CLEC4C: variants seen among roughly 807,000 people sequenced by gnomAD.
CLEC4C encodes C-type lectin domain family 4 member C.
CLEC4C carries 17 observed loss-of-function variants against 27.7 expected under a neutral mutation model. That is an observed-to-expected ratio of 0.61 (90% CI 0.42 to 0.92). CLEC4C has a LOEUF of 0.92. Among genes scored for constraint, CLEC4C ranks in the 40% least tolerant of loss-of-function variants. The pLI is 0.00. For missense variants in CLEC4C, 244 were observed against 257.3 expected (o/e 0.95, Z 0.35); for synonymous variants, 80 against 80.8 (o/e 0.99, Z 0.06).
At chr12:7,742,515 A>G (rs1347466739) in intron 2 of CLEC4C, among the ~76,000 whole-genome samples, 2 of 95,978 alleles carry the variant, frequency 2.1e-5, no homozygotes, top group East Asian at 6.2e-4. Flanking sequence ...TGTCTCGAAA[A>G]AAAAAAAAAA....
rs1160752541 is a variant in CLEC4C at position 7,729,601 on chromosome 12, T to C, written c.637A>G (p.Ile213Val). The change falls in exon 6 of 6, where the codon ATA becomes GTA. Residue 213 changes from isoleucine to valine, a missense_variant. Transcript: ENST00000360345. ...KSICKMKKIYI is the reference protein window; with the variant it reads ...KSICKMKKIYV ...TTCCAGGGAGAATATTTCATTTATATGTAGATCTTCTTCATCTTGCAAATT... is the reference window on the plus strand; with the variant it reads ...TTCCAGGGAGAATATTTCATTTATACGTAGATCTTCTTCATCTTGCAAATT... 6.2e-7 allele frequency: 1 copy of C among 1,613,600 alleles called. No homozygotes were observed. Among genetic ancestry groups the C allele is most frequent in the Admixed American group, 1.7e-5 (1 of 59,968 alleles).
intron 4 of CLEC4C, among the ~76,000 whole-genome samples, chr12:7,733,777 G>T (rs1864656527): frequency 6.6e-6 from 1 of 151,642 alleles, no homozygotes; most frequent in Non-Finnish European, 1.5e-5. Flanking sequence ...CACCGCACCT[G>T]GCCCCCAAGC....
rs1262584412 is a variant in CLEC4C at position 7,729,579 on chromosome 12, C to A, written c.*17G>T. 1 of 1,609,994 alleles carries A rather than the reference C, an allele frequency of 6.2e-7. No homozygotes were observed. Among genetic ancestry groups the A allele is most frequent in the African/African-American group, 1.3e-5 (1 of 74,840 alleles). ...GTGGATGCCAACCCAAACACATTTC[C>A]AGGGAGAATATTTCATTTATATGTA... On this transcript the variant is annotated 3_prime_UTR_variant, in exon 6 of 6. Transcript: ENST00000360345.
At position 7,730,891 on chromosome 12, in the gene CLEC4C, T is replaced by C; in HGVS notation, c.403A>G (p.Lys135Glu). The C allele has an allele frequency of 1.9e-6, 3 of 1,598,874 alleles. No homozygotes were observed. The highest frequency in any genetic ancestry group is 1.7e-6 in the Non-Finnish European group (2 of 1,166,554). Residue 135 changes from lysine to glutamate, a missense_variant, in exon 5 of 6, where the codon AAA (lysine) becomes GAA (glutamate). Physicochemically the swap from Lys to Glu is moderately conservative, Grantham distance 56 (BLOSUM62 1). Transcript: ENST00000360345. ...EEQDFIIQNLKRNSSYFLGLS... is the reference protein window; with the variant it reads ...EEQDFIIQNLERNSSYFLGLS... Reference sequence around the variant, plus strand: ...CCCAGAAAATAAGAAGAATTTCTTTTCAGATTCTGAATGATGAAATCCTGA... The same window carrying C: ...CCCAGAAAATAAGAAGAATTTCTTTCCAGATTCTGAATGATGAAATCCTGA...
At chr12:7,738,419 C>T (rs1428054193) in intron 3 of CLEC4C, among the ~76,000 whole-genome samples, 1 of 152,180 alleles carries the variant, frequency 6.6e-6, no homozygotes, top group Non-Finnish European at 1.5e-5. Context: ...AGATTATATA[C>T]ATTCCCTCTA....
Position 7,737,433 on chromosome 12 carries a change from T to C in CLEC4C, c.377A>G (p.Glu126Gly), listed in dbSNP as rs1192824636. ...ADLVVINTRE[E>G]QDFIIQNLKR... is the part of the protein sequence containing the mutation. ...ACCTTGCCTGTTAGAACATACCTGT[T>C]CTTCCCTGGTGTTGATCACCACCAG... Residue 126 changes from glutamate to glycine, a missense_variant, in exon 4 of 6, where the codon GAA (glutamate) becomes GGA (glycine). Physicochemically the swap from Glu to Gly is moderately conservative, Grantham distance 98. Coordinates refer to ENST00000360345, the MANE Select transcript of CLEC4C (RefSeq NM_001371390.1). 1 of 1,611,376 alleles carries C rather than the reference T, an allele frequency of 6.2e-7. No individual in the cohort carries two copies. The highest frequency in any genetic ancestry group is 8.5e-7 in the Non-Finnish European group (1 of 1,178,812).
chr12:7,731,027 ATCACT>A, intron 4 of CLEC4C, 115 bp from the exon 5 acceptor site: 1 of 563,484 alleles, frequency 1.8e-6, no homozygotes, highest in Non-Finnish European at 3.3e-6. Context: ...TTTCAAGGAA[ATCACT>A]TCTCTTCTAA....
At position 7,741,537 on chromosome 12, in the gene CLEC4C, A is replaced by G. The variant is rs1592096541; in HGVS notation, c.125-6T>C. On this transcript the variant is annotated splice_region_variant and splice_polypyrimidine_tract_variant and intron_variant, in intron 2 of 5. Transcript: ENST00000360345. ...ATACATAAAATTGTGAGGCACTGGGAAAGAGAAATCGGAGTTAGTTCTCAT... is the reference window on the plus strand; with the variant it reads ...ATACATAAAATTGTGAGGCACTGGGGAAGAGAAATCGGAGTTAGTTCTCAT... 1.2e-6 allele frequency: 1 copy of G among 816,100 alleles called. No individual in the cohort carries two copies. Among genetic ancestry groups the G allele is most frequent in the Non-Finnish European group, 1.8e-6 (1 of 551,316 alleles). 50.6% of individuals were successfully genotyped at this position (816,100 alleles called of 1,614,324 possible).
intron 5 of CLEC4C, 41 bp from the exon 6 acceptor site, chr12:7,729,781 G>T: frequency 6.2e-7 from 1 of 1,602,876 alleles, no homozygotes; most frequent in Non-Finnish European, 8.5e-7. Flanking sequence ...TGAAACCGTG[G>T]TTTGGAAAAG....
At chr12:7,744,684 G>A (rs1009054465) in intron 2 of CLEC4C, among the ~76,000 whole-genome samples, 1 of 152,040 alleles carries the variant, frequency 6.6e-6, no homozygotes, top group Non-Finnish European at 1.5e-5. Flanking sequence ...GTACGATTAT[G>A]GCTCACTGCA....
intron 2 of CLEC4C, among the ~76,000 whole-genome samples, chr12:7,742,483 C>T (rs1200507022): frequency 6.8e-6 from 1 of 147,916 alleles, no homozygotes; most frequent in Non-Finnish European, 1.5e-5. Context: ...TGCACTCTAG[C>T]CTGGGCAATA....
intron 2 of CLEC4C, among the ~76,000 whole-genome samples, chr12:7,744,334 G>A (rs1306217806): frequency 1.3e-5 from 2 of 152,168 alleles, no homozygotes. Flanking sequence ...ATTGAAAACT[G>A]TGAGATGTAT....
At chr12:7,731,981 A>G (rs750071652) in intron 4 of CLEC4C, among the ~76,000 whole-genome samples, 5 of 152,224 alleles carry the variant, frequency 3.3e-5, no homozygotes, top group African/African-American at 9.6e-5. Context: ...CCCCCTGCCC[A>G]AAAATAAAAA....
At chr12:7,733,368 AT>A (rs1864644420) in intron 4 of CLEC4C, among the ~76,000 whole-genome samples, 1 of 151,420 alleles carries the variant, frequency 6.6e-6, no homozygotes, top group Non-Finnish European at 1.5e-5. Flanking sequence ...GGTTCAAGCA[AT>A]TCTCATGCCT....
Position 7,741,505 on chromosome 12 carries a change from T to A in CLEC4C, c.151A>T (p.Thr51Ser). ...CGTAACTTGGACAGCCTCTTGACAGTTTTGCTATACATAAAATTGTGAGGC... is the reference window on the plus strand; with the variant it reads ...CGTAACTTGGACAGCCTCTTGACAGATTTGCTATACATAAAATTGTGAGGC... ...VVPHNFMYSK[T>S]VKRLSKLREY... is the part of the protein sequence containing the mutation. The change falls in exon 3 of 6, where the codon ACT becomes TCT. Residue 51 changes from threonine (T) to serine (S), a missense_variant. By Grantham distance (58) the Thr-to-Ser change is moderately conservative. Coordinates refer to ENST00000360345, the MANE Select transcript of CLEC4C (RefSeq NM_001371390.1). 6.2e-7 allele frequency: 1 copy of A among 1,608,976 alleles called. No homozygotes were observed. The highest frequency in any genetic ancestry group is 1.1e-5 in the South Asian group (1 of 90,980).
chr12:7,747,922 C>CAA (rs36046177), upstream of CLEC4C, among the ~76,000 whole-genome samples: 12,972 of 104,472 alleles, frequency 0.12, 1,281 homozygotes, highest in East Asian at 0.27. Context: ...ACTCCATCTC[C>CAA]AAAAAAAAAA....
In CLEC4C at chr12:7,746,459, C is replaced by A. The variant is rs1190968833; in HGVS notation, c.32-36G>T. On this transcript the variant is annotated intron_variant, in intron 1 of 5. Coordinates refer to ENST00000360345, the MANE Select transcript of CLEC4C (RefSeq NM_001371390.1). ...AGCATGACAAATGCACAGTCATAAT[C>A]CCCACTGCCAAAGAGCCAGGAAACC... 4 of 1,367,558 alleles carry A rather than the reference C, an allele frequency of 2.9e-6. No individual in the cohort carries two copies. In the Admixed American group the frequency reaches 7.1e-5, roughly 24 times the overall value. The allele number at this position is 1,367,558 out of a possible 1,614,324, so 84.7% of individuals were successfully genotyped here.
intron 3 of CLEC4C, among the ~76,000 whole-genome samples, chr12:7,738,581 A>T (rs1303079174): frequency 2.0e-5 from 3 of 152,174 alleles, no homozygotes; most frequent in Admixed American, 2.0e-4. Context: ...GGCTCACTGC[A>T]GCCTTGACCT....
In CLEC4C at chr12:7,730,866, C is replaced by T; in HGVS notation, c.428G>A (p.Gly143Glu). 6.2e-7 allele frequency: 1 copy of T among 1,609,988 alleles called. No individual in the cohort carries two copies. The change falls in exon 5 of 6, where the codon GGG becomes GAG. Residue 143 changes from glycine (G) to glutamate (E), a missense_variant. Coordinates refer to ENST00000360345, the MANE Select transcript of CLEC4C (RefSeq NM_001371390.1). ...NLKRNSSYFLGLSDPGGRRHW... is the reference protein window; with the variant it reads ...NLKRNSSYFLELSDPGGRRHW... ...TCGCCGACCCCCTGGATCTGACAGCCCCAGAAAATAAGAAGAATTTCTTTT... is the reference window on the plus strand; with the variant it reads ...TCGCCGACCCCCTGGATCTGACAGCTCCAGAAAATAAGAAGAATTTCTTTT...
Sources: allele counts gnomAD v4.1 joint callset (sites outside exome capture counted in the v4.1 genomes callset), GRCh38; gene constraint gnomAD v4.1.1; transcripts MANE v1.5; gene names NCBI Gene and HGNC (gene_info 2026-07-23, HGNC 2026-07-21).